TMEM117: variants seen among roughly 807,000 people sequenced by gnomAD.
The protein encoded by TMEM117 is transmembrane protein 117.
TMEM117 carries 27 observed loss-of-function variants against 52.4 expected under a neutral mutation model. The ratio of observed to expected loss-of-function variants is 0.51; its 90% confidence interval spans 0.38 to 0.71. The LOEUF (loss-of-function observed/expected upper bound fraction) is 0.71, where lower values mean the gene tolerates loss of function less well. Ranked by LOEUF, TMEM117 falls within the 30% of genes least tolerant of loss-of-function variation. The probability of loss-of-function intolerance (pLI) is 0.00; values close to 1 mark genes in which losing one functional copy is unlikely to be tolerated. For synonymous variants in TMEM117, 215 were observed against 206.3 expected (o/e 1.04, Z -0.36); for missense variants, 556 against 630.5 (o/e 0.88, Z 1.26).
chr12:44,079,536 A>G (rs1370890194), intron 3 of TMEM117, among the ~76,000 whole-genome samples: 1 of 151,900 alleles, frequency 6.6e-6, no homozygotes, highest in Non-Finnish European at 1.5e-5. Context: ...TGTTCATATC[A>G]TTTGCCCACT....
intron 3 of TMEM117, among the ~76,000 whole-genome samples, chr12:43,958,573 GA>G (rs1945345632): frequency 6.6e-6 from 1 of 152,160 alleles, no homozygotes; most frequent in Admixed American, 6.5e-5. Flanking sequence ...ACGTGAAGGT[GA>G]AAGTTAGGTG....
At chr12:43,889,527 C>A (rs1231759397) in intron 2 of TMEM117, among the ~76,000 whole-genome samples, 1 of 152,266 alleles carries the variant, frequency 6.6e-6, no homozygotes, top group African/African-American at 2.4e-5. Context: ...AGCCACTCAT[C>A]TGCTGCGCAG....
intron 7 of TMEM117, among the ~76,000 whole-genome samples, chr12:44,381,038 A>C (rs1033535336): frequency 1.3e-5 from 2 of 152,126 alleles, no homozygotes; most frequent in African/African-American, 4.8e-5. Context: ...TTATTTATGC[A>C]TGTCAGAAAT....
chr12:43,982,855 C>T lies in TMEM117; in HGVS notation c.410+38513C>T, dbSNP rs181775422. 2.8e-3 allele frequency among the ~76,000 whole-genome samples: 422 copies of T among 152,270 alleles called. 4 individuals carry two copies. Among genetic ancestry groups the T allele is most frequent in the African/African-American group, 9.3e-3 (387 of 41,550 alleles). On this transcript the variant is annotated intron_variant, in intron 3 of 7. Transcript: ENST00000266534. ...AAAGACTTGAGCTATACAAATTTCCCGGAGAAGGTATTTTGACCCCTTCCA... is the reference window on the plus strand; with the variant it reads ...AAAGACTTGAGCTATACAAATTTCCTGGAGAAGGTATTTTGACCCCTTCCA...
At chr12:44,018,725 CTT>C (rs559433168) in intron 3 of TMEM117, among the ~76,000 whole-genome samples, 17 of 140,610 alleles carry the variant, frequency 1.2e-4, no homozygotes, top group African/African-American at 1.6e-4. Flanking sequence ...CTTTTTCTTT[CTT>C]TTTTTTTTTT....
At chr12:43,840,943 G>T (rs1943107087) in intron 1 of TMEM117, among the ~76,000 whole-genome samples, 1 of 151,958 alleles carries the variant, frequency 6.6e-6, no homozygotes, top group South Asian at 2.1e-4. Flanking sequence ...CTACAGAGGT[G>T]AAAACAGTTT....
chr12:44,127,752 C>A (rs1018799250), intron 3 of TMEM117, among the ~76,000 whole-genome samples: 6 of 152,174 alleles, frequency 3.9e-5, no homozygotes, highest in Admixed American at 3.3e-4. Context: ...TGAAAGGCTG[C>A]AGAAGCAAAA....
intron 6 of TMEM117, among the ~76,000 whole-genome samples, chr12:44,320,062 ACTGG>A (rs1951111047): frequency 6.6e-6 from 1 of 152,154 alleles, no homozygotes; most frequent in Non-Finnish European, 1.5e-5. Context: ...TGGATATCTA[ACTGG>A]CAACCAGCTC....
chr12:43,819,559 G>A, the TMEM117 span, among the ~76,000 whole-genome samples: 2 of 152,108 alleles, frequency 1.3e-5, no homozygotes, highest in African/African-American at 4.8e-5. Flanking sequence ...CGGATCACGA[G>A]GTCAAGAGGT....
At chr12:44,126,263 T>C (rs903861797) in intron 3 of TMEM117, among the ~76,000 whole-genome samples, 5 of 152,196 alleles carry the variant, frequency 3.3e-5, no homozygotes, top group African/African-American at 4.8e-5. Flanking sequence ...AACTGTTAGA[T>C]TTTTGCAGTT....
chr12:44,077,352 T>C (rs1242301520), intron 3 of TMEM117, among the ~76,000 whole-genome samples: 1 of 152,224 alleles, frequency 6.6e-6, no homozygotes, highest in Non-Finnish European at 1.5e-5. Context: ...TCATTTAATA[T>C]TAGATTCATT....
chr12:44,231,256 T>C (rs1000229566), intron 5 of TMEM117, among the ~76,000 whole-genome samples: 4 of 151,952 alleles, frequency 2.6e-5, no homozygotes, highest in Non-Finnish European at 4.4e-5. Flanking sequence ...CTCTGTGTTT[T>C]CCTTTTTTCA....
At chr12:44,144,002 A>G (rs1043420353) in intron 4 of TMEM117, among the ~76,000 whole-genome samples, 1 of 152,218 alleles carries the variant, frequency 6.6e-6, no homozygotes, top group Non-Finnish European at 1.5e-5. Flanking sequence ...TTCTTAAGGC[A>G]TGTACAATTT....
At chr12:44,224,789 G>A (rs17094322) in intron 5 of TMEM117, among the ~76,000 whole-genome samples, 15,772 of 152,102 alleles carry the variant, frequency 0.1, 929 homozygotes, top group Middle Eastern at 0.2. Context: ...AGAAATCAGT[G>A]AGTGCAGGTG....
intron 2 of TMEM117, among the ~76,000 whole-genome samples, chr12:43,860,691 A>C (rs2447115): frequency 0.72 from 109,972 of 151,958 alleles, 43,155 homozygotes; most frequent in East Asian, 0.94. Flanking sequence ...GCTGGAGCAG[A>C]GGGAACAGAA....
At chr12:44,150,532 TAATC>T (rs1948707243) in intron 4 of TMEM117, among the ~76,000 whole-genome samples, 1 of 152,128 alleles carries the variant, frequency 6.6e-6, no homozygotes, top group Non-Finnish European at 1.5e-5. Context: ...AAATTAATAA[TAATC>T]AGTTTGTTTG....
At chr12:43,955,652 T>C (rs1945294614) in intron 3 of TMEM117, among the ~76,000 whole-genome samples, 1 of 152,174 alleles carries the variant, frequency 6.6e-6, no homozygotes, top group South Asian at 2.1e-4. Flanking sequence ...CACAGGCAGA[T>C]GGAAAAACAT....
chr12:44,041,611 C>T (rs7304796), intron 3 of TMEM117, among the ~76,000 whole-genome samples: 1,614 of 152,200 alleles, frequency 0.011, 25 homozygotes, highest in African/African-American at 0.036. Flanking sequence ...GACTTCCAAT[C>T]CTCAGCCTCC....
At chr12:44,171,483 C>T (rs1234756420) in intron 4 of TMEM117, among the ~76,000 whole-genome samples, 2 of 152,152 alleles carry the variant, frequency 1.3e-5, no homozygotes, top group Non-Finnish European at 2.9e-5. Context: ...TTTCCTTTGA[C>T]ATTCATTGAC....
Sources: allele counts gnomAD v4.1 joint callset (sites outside exome capture counted in the v4.1 genomes callset), GRCh38; gene constraint gnomAD v4.1.1; transcripts MANE v1.5; gene names NCBI Gene and HGNC (gene_info 2026-07-23, HGNC 2026-07-21).